The following TCF4 variants were observed in gnomAD, a reference collection of about 807,000 sequenced individuals.
TCF4 encodes the protein SL3-3 enhancer factor 2.
In TCF4, 3 loss-of-function variants were observed where a neutral mutation model predicts 82.1. The observed-to-expected ratio is 0.04, with a 90% CI of 0.02 to 0.09. The LOEUF (loss-of-function observed/expected upper bound fraction) is 0.09. Ranked by LOEUF, TCF4 falls within the 10% of genes least tolerant of loss-of-function variation. The probability of loss-of-function intolerance (pLI) is 1.00; values close to 1 mark genes in which losing one functional copy is unlikely to be tolerated. For synonymous variants in TCF4, 276 were observed against 309.6 expected (o/e 0.89, Z 1.14); for missense variants, 518 against 852.7 (o/e 0.61, Z 4.89).
At chr18:55,303,226 T>TACAC (rs74180496) in intron 8 of TCF4, among the ~76,000 whole-genome samples, 15,272 of 135,870 alleles carry the variant, frequency 0.11, 851 homozygotes, top group South Asian at 0.22. Context: ...TCCCAGTACG[T>TACAC]ACACACACAC....
chr18:55,295,518 G>A (rs1181156974), intron 8 of TCF4, among the ~76,000 whole-genome samples: 1 of 152,014 alleles, frequency 6.6e-6, no homozygotes, highest in African/African-American at 2.4e-5. Context: ...TCCTCCTTCT[G>A]GTCAGATCTG....
At chr18:55,581,338 T>G (rs1248181115) in intron 3 of TCF4, among the ~76,000 whole-genome samples, 3 of 151,970 alleles carry the variant, frequency 2.0e-5, no homozygotes, top group Non-Finnish European at 4.4e-5. Context: ...TGGGCCTCAG[T>G]TTTCTTTGCC....
chr18:55,537,049 G>A (rs1276573323), intron 3 of TCF4, among the ~76,000 whole-genome samples: 1 of 151,380 alleles, frequency 6.6e-6, no homozygotes, highest in African/African-American at 2.4e-5. Context: ...CAGGAGAATG[G>A]CATGAACCTG....
At chr18:55,470,574 C>T (rs1483002349) in intron 3 of TCF4, among the ~76,000 whole-genome samples, 1 of 152,170 alleles carries the variant, frequency 6.6e-6, no homozygotes, top group Non-Finnish European at 1.5e-5. Context: ...GCTAAGAACA[C>T]AGACTAAATA....
At chr18:55,301,613 T>G (rs1281696753) in intron 8 of TCF4, among the ~76,000 whole-genome samples, 1 of 152,100 alleles carries the variant, frequency 6.6e-6, no homozygotes, top group Non-Finnish European at 1.5e-5. Context: ...TATGTGATAT[T>G]CTAGTCTTAT....
intron 3 of TCF4, among the ~76,000 whole-genome samples, chr18:55,472,887 C>CA (rs2096215549): frequency 6.6e-6 from 1 of 152,214 alleles, no homozygotes; most frequent in South Asian, 2.1e-4. Flanking sequence ...AGATATATCA[C>CA]AGAGTGCAAG....
At chr18:55,559,200 A>G (rs1375145974) in intron 3 of TCF4, among the ~76,000 whole-genome samples, 2 of 151,530 alleles carry the variant, frequency 1.3e-5, no homozygotes, top group African/African-American at 4.8e-5. Context: ...GCTTGTGGCT[A>G]TCAGAAATGT....
chr18:55,443,057 G>A (rs969038382), intron 5 of TCF4, among the ~76,000 whole-genome samples: 1 of 152,210 alleles, frequency 6.6e-6, no homozygotes, highest in African/African-American at 2.4e-5. Flanking sequence ...TGATGACCCT[G>A]CTGGCTTGTC....
chr18:55,322,636 C>A (rs923002869), intron 8 of TCF4, among the ~76,000 whole-genome samples: 15 of 152,194 alleles, frequency 9.9e-5, no homozygotes, highest in African/African-American at 3.6e-4. Flanking sequence ...TCACCTCGCC[C>A]CGCCGCAGAC....
chr18:55,321,672 C>T (rs1313799389), intron 8 of TCF4: 2 of 1,536,052 alleles, frequency 1.3e-6, no homozygotes, highest in Non-Finnish European at 1.7e-6. Flanking sequence ...TCGCTTACCG[C>T]TTTCCCATTA....
chr18:55,350,551 T>C, intron 7 of TCF4, 143 bp from the exon 8 acceptor site: 1 of 890,574 alleles, frequency 1.1e-6, no homozygotes, highest in Non-Finnish European at 1.8e-6. Context: ...TCACATTCGA[T>C]TCTAGCAGAA....
chr18:55,441,883 G>A (rs919627416), intron 5 of TCF4, among the ~76,000 whole-genome samples: 1 of 152,108 alleles, frequency 6.6e-6, no homozygotes, highest in African/African-American at 2.4e-5. Flanking sequence ...CAAAAAGAAC[G>A]TTGTCATACC....
chr18:55,333,682 T>C (rs2078039777), intron 8 of TCF4, among the ~76,000 whole-genome samples: 1 of 152,212 alleles, frequency 6.6e-6, no homozygotes, highest in African/African-American at 2.4e-5. Context: ...CATACCACCC[T>C]ACTGTGTATT....
chr18:55,248,867 C>G (rs59117361), intron 15 of TCF4, among the ~76,000 whole-genome samples: 12,193 of 152,122 alleles, frequency 0.08, 598 homozygotes, highest in African/African-American at 0.12. Flanking sequence ...GCCTCAGCCT[C>G]CTGAGTAGCT....
intron 3 of TCF4, among the ~76,000 whole-genome samples, chr18:55,498,905 C>G (rs753468757): frequency 3.9e-5 from 6 of 152,078 alleles, no homozygotes; most frequent in Admixed American, 3.3e-4. Context: ...TTAAAATACC[C>G]CTTAAATCCC....
intron 8 of TCF4, among the ~76,000 whole-genome samples, chr18:55,330,326 T>C (rs2077318962): frequency 6.6e-6 from 1 of 151,288 alleles, no homozygotes; most frequent in South Asian, 2.1e-4. Flanking sequence ...AGTACAGGTG[T>C]GTGCCACCAT....
At chr18:55,337,227 T>A (rs111581966) in intron 8 of TCF4, among the ~76,000 whole-genome samples, 1,595 of 152,298 alleles carry the variant, frequency 0.01, 36 homozygotes, top group African/African-American at 0.036. Flanking sequence ...AGACAAATGG[T>A]ATTCTATTTC....
intron 5 of TCF4, chr18:55,403,914 C>T (rs897924129): frequency 8.5e-6 from 12 of 1,414,504 alleles, no homozygotes; most frequent in Non-Finnish European, 1.1e-5. Context: ...TATATTGACA[C>T]TTAATAGTGA....
intron 13 of TCF4, 47 bp downstream of exon 13, chr18:55,259,902 A>T (rs199790668): frequency 1.3e-6 from 2 of 1,504,168 alleles, no homozygotes; most frequent in East Asian, 4.5e-5. Flanking sequence ...GGGGGGAATC[A>T]TTCTTATAAA....
Sources: allele counts gnomAD v4.1 joint callset (sites outside exome capture counted in the v4.1 genomes callset), GRCh38; gene constraint gnomAD v4.1.1; transcripts MANE v1.5; gene names NCBI Gene and HGNC (gene_info 2026-07-23, HGNC 2026-07-21).